WWTR1: variants seen among roughly 807,000 people sequenced by gnomAD.
WWTR1 encodes the protein WW domain-containing transcription regulator protein 1.
WWTR1 carries 13 observed loss-of-function variants against 40.1 expected under a neutral mutation model. That is an observed-to-expected ratio of 0.32 (90% confidence interval 0.21 to 0.52). The LOEUF (loss-of-function observed/expected upper bound fraction) is 0.52, where lower values mean the gene tolerates loss of function less well. Among genes scored for constraint, WWTR1 ranks in the 20% least tolerant of loss-of-function variants. The pLI is 0.97. For missense variants in WWTR1, 436 were observed against 523.1 expected, an observed-to-expected ratio of 0.83 and a Z score of 1.63; for synonymous variants, 230 against 210.1, an observed-to-expected ratio of 1.09 and a Z score of -0.82.
chr3:149,557,733 T>C (rs1056365223), intron 3 of WWTR1, among the ~76,000 whole-genome samples: 3 of 152,094 alleles, frequency 2.0e-5, no homozygotes, highest in Non-Finnish European at 4.4e-5. Flanking sequence ...CCAGGCACAG[T>C]GGCTCACCCC....
chr3:149,675,325 T>C (rs958050408), intron 1 of WWTR1, among the ~76,000 whole-genome samples: 2 of 152,222 alleles, frequency 1.3e-5, no homozygotes, highest in African/African-American at 4.8e-5. Flanking sequence ...AATATTTCTT[T>C]ATTCATATTA....
chr3:149,556,584 C>A (rs1736836970), intron 3 of WWTR1, among the ~76,000 whole-genome samples: 1 of 151,988 alleles, frequency 6.6e-6, no homozygotes, highest in South Asian at 2.1e-4. Context: ...GTCTCAAAAA[C>A]AAACAAACAA....
chr3:149,520,856 A>G lies in WWTR1; in HGVS notation c.1152T>C (p.Asn384=). 1 of 1,613,382 alleles carries G rather than the reference A, an allele frequency of 6.2e-7. No individual in the cohort carries two copies. Among genetic ancestry groups the G allele is most frequent in the Non-Finnish European group, 8.5e-7 (1 of 1,179,760 alleles). The change falls in exon 7 of 7, where the codon AAT becomes AAC. Residue 384 remains asparagine, a synonymous_variant. Transcript: ENST00000360632. ...LESEDLIPLF[N]DVESALNKSE... ...TTTTGTTCAGAGCAGACTCTACATC[A>G]TTGAAGAGGGGGATCAGGTCTTCAG...
chr3:149,622,485 G>GAAA (rs1560089626), intron 2 of WWTR1, among the ~76,000 whole-genome samples: 54 of 130,182 alleles, frequency 4.1e-4, no homozygotes, highest in East Asian at 1.5e-3. Flanking sequence ...AAGGAAGGAA[G>GAAA]GAAGGAAGGA....
intron 2 of WWTR1, among the ~76,000 whole-genome samples, chr3:149,593,005 C>G (rs985509373): frequency 6.6e-6 from 1 of 152,184 alleles, no homozygotes; most frequent in African/African-American, 2.4e-5. Context: ...AAAAAAACTC[C>G]AGGCACACCG....
chr3:149,704,797 CA>C (rs1168993004), upstream of WWTR1, among the ~76,000 whole-genome samples: 3 of 148,730 alleles, frequency 2.0e-5, no homozygotes, highest in African/African-American at 7.4e-5. Flanking sequence ...AATTATCAGA[CA>C]TCTGAAAAAA....
chr3:149,623,419 T>G (rs1478415225), intron 2 of WWTR1, among the ~76,000 whole-genome samples: 1 of 151,970 alleles, frequency 6.6e-6, no homozygotes, highest in East Asian at 1.9e-4. Flanking sequence ...GGAAAGAACC[T>G]AAATGCTCAG....
At chr3:149,713,537 C>T (rs544105197) in intron 5 of WWTR1, among the ~76,000 whole-genome samples, 6 of 152,124 alleles carry the variant, frequency 3.9e-5, no homozygotes, top group Non-Finnish European at 4.4e-5. Context: ...CCCGCCACCA[C>T]GCCCGACTAA....
chr3:149,591,115 G>A (rs918303135), intron 2 of WWTR1, among the ~76,000 whole-genome samples: 2 of 151,910 alleles, frequency 1.3e-5, no homozygotes, highest in African/African-American at 4.8e-5. Flanking sequence ...TAGGGAGAAA[G>A]GAAAGAAAGA....
intron 5 of WWTR1, among the ~76,000 whole-genome samples, chr3:149,712,784 T>G (rs942034231): frequency 6.6e-6 from 1 of 152,246 alleles, no homozygotes; most frequent in African/African-American, 2.4e-5. Context: ...ATTACTCATT[T>G]TACTACTAGC....
At chr3:149,540,361 C>T in intron 4 of WWTR1, 1 of 442,622 alleles carries the variant, frequency 2.3e-6, no homozygotes, top group Non-Finnish European at 4.6e-6. Context: ...CAATTTGGGG[C>T]ACTTTTCCCA....
At chr3:149,617,901 TA>T (rs1372011422) in intron 2 of WWTR1, among the ~76,000 whole-genome samples, 1 of 151,996 alleles carries the variant, frequency 6.6e-6, no homozygotes, top group Non-Finnish European at 1.5e-5. Context: ...GATACAAAAA[TA>T]AAATGCAGAA....
chr3:149,607,560 C>T (rs796466904), intron 2 of WWTR1, among the ~76,000 whole-genome samples: 1 of 152,140 alleles, frequency 6.6e-6, no homozygotes, highest in African/African-American at 2.4e-5. Flanking sequence ...GTGATCCGCC[C>T]GCCTCGGCCT....
intron 3 of WWTR1, among the ~76,000 whole-genome samples, chr3:149,570,904 G>GTATT (rs1251557482): frequency 6.6e-6 from 1 of 152,152 alleles, no homozygotes; most frequent in Non-Finnish European, 1.5e-5. Context: ...ATCCACTCCA[G>GTATT]TATTTGTATG....
chr3:149,679,115 G>A (rs559008392), intron 1 of WWTR1, among the ~76,000 whole-genome samples: 1 of 152,338 alleles, frequency 6.6e-6, no homozygotes, highest in Admixed American at 6.5e-5. Flanking sequence ...ACAGGCATGA[G>A]CCACTGCGCC....
intron 2 of WWTR1, among the ~76,000 whole-genome samples, chr3:149,573,985 C>G (rs2107999940): frequency 6.6e-6 from 1 of 152,074 alleles, no homozygotes; most frequent in East Asian, 1.9e-4. Context: ...CGTTCCTCTA[C>G]TTTGTTTTAT....
At position 149,517,380 on chromosome 3, in the gene WWTR1, T is replaced by C. The variant is rs1734834619; in HGVS notation, c.*3425A>G. Reference sequence around the variant, plus strand: ...ATTCTAAACTTAAAATAGAAATTTTTATATTACAAAACGTAGAAGTAAAAT... The same window carrying C: ...ATTCTAAACTTAAAATAGAAATTTTCATATTACAAAACGTAGAAGTAAAAT... On this transcript the variant is annotated 3_prime_UTR_variant, in exon 7 of 7. Coordinates refer to ENST00000360632, the MANE Select transcript of WWTR1 (RefSeq NM_015472.6). 6.6e-6 allele frequency: 1 copy of C among 152,248 alleles called. No individual in the cohort carries two copies. The highest frequency in any genetic ancestry group is 1.5e-5 in the Non-Finnish European group (1 of 68,040). The allele number at this position is 152,248 out of a possible 1,614,324, so 9.4% of individuals were successfully genotyped here.
At chr3:149,586,001 CAGTA>C (rs1003087095) in intron 2 of WWTR1, among the ~76,000 whole-genome samples, 13 of 152,096 alleles carry the variant, frequency 8.5e-5, no homozygotes, top group African/African-American at 2.9e-4. Context: ...AAACTCCAAA[CAGTA>C]AGTATCTTTG....
At chr3:149,568,891 C>T (rs1353822115) in intron 3 of WWTR1, among the ~76,000 whole-genome samples, 1 of 152,144 alleles carries the variant, frequency 6.6e-6, no homozygotes, top group East Asian at 1.9e-4. Flanking sequence ...CTCAGCCTCC[C>T]GAGCAGCTGG....
Sources: gnomAD v4.1 joint callset for allele counts (sites outside exome capture counted in the v4.1 genomes callset) on GRCh38, gnomAD v4.1.1 for gene constraint, MANE v1.5 for transcripts, NCBI Gene and HGNC (gene_info 2026-07-23, HGNC 2026-07-21) for gene names.